Variants in CKMT2 observed in about 807,000 individuals in gnomAD.
CKMT2 encodes creatine kinase, mitochondrial 2.
Under a neutral mutation model 48.9 loss-of-function variants are expected in CKMT2, and 43 were observed. The ratio of observed to expected loss-of-function variants is 0.88; its 90% CI spans 0.69 to 1.13. The LOEUF (loss-of-function observed/expected upper bound fraction) is 1.13, where lower values mean the gene tolerates loss of function less well. Ranked by LOEUF, CKMT2 falls within the 50% of genes most tolerant of loss-of-function variation. The pLI is 0.00. For missense variants in CKMT2, 472 were observed against 555.4 expected, an observed-to-expected ratio of 0.85 and a Z score of 1.51; for synonymous variants, 206 against 213.0, an observed-to-expected ratio of 0.97 and a Z score of 0.29.
chr5:81,237,629 TAC>T (rs1379139504), intron 1 of CKMT2: 4 of 152,222 alleles, frequency 2.6e-5, no homozygotes, highest in Admixed American at 2.6e-4. Flanking sequence ...AGTGATACAA[TAC>T]AGAGTTCCAT....
At chr5:81,261,373 G>A (rs757576537) in intron 8 of CKMT2, among the ~76,000 whole-genome samples, 5 of 152,198 alleles carry the variant, frequency 3.3e-5, no homozygotes, top group Non-Finnish European at 7.3e-5. Context: ...GCAAGAGAAA[G>A]AAAGAAAGGG....
At chr5:81,254,758 C>A in intron 4 of CKMT2, 1 of 596,562 alleles carries the variant, frequency 1.7e-6, no homozygotes, top group South Asian at 2.1e-5. Context: ...CATCCCAAAC[C>A]ACCCAGTGAC....
chr5:81,250,869 T>C (rs147458522), intron 1 of CKMT2: 364 of 281,366 alleles, frequency 1.3e-3, no homozygotes, highest in African/African-American at 7.7e-3. Context: ...TCAGAAAGTT[T>C]AGACATTATG....
chr5:81,263,005 A>G (rs1757274847), intron 8 of CKMT2, among the ~76,000 whole-genome samples: 1 of 152,194 alleles, frequency 6.6e-6, no homozygotes, highest in Non-Finnish European at 1.5e-5. Flanking sequence ...ATAAAAAAGG[A>G]TGAGTTCATG....
chr5:81,240,935 A>G (rs1756413462), intron 1 of CKMT2, among the ~76,000 whole-genome samples: 1 of 152,174 alleles, frequency 6.6e-6, no homozygotes, highest in East Asian at 1.9e-4. Flanking sequence ...GGGCTGAGGG[A>G]AAGGGATGCC....
intron 7 of CKMT2, chr5:81,258,059 T>A (rs929892122): frequency 2.3e-6 from 1 of 427,786 alleles, no homozygotes; most frequent in Admixed American, 3.6e-5. Context: ...CCACCACACC[T>A]GGCTAATTTT....
intron 7 of CKMT2, 118 bp downstream of exon 7, chr5:81,257,974 A>T: frequency 1.0e-6 from 1 of 979,318 alleles, no homozygotes; most frequent in Non-Finnish European, 1.5e-6. Context: ...TCTAGAAATC[A>T]AAGCAACTGC....
At chr5:81,260,908 A>G (rs986988892) in intron 8 of CKMT2, among the ~76,000 whole-genome samples, 2 of 152,214 alleles carry the variant, frequency 1.3e-5, no homozygotes, top group East Asian at 1.9e-4. Context: ...CAGAGACACA[A>G]TAAAAAAAGA....
At chr5:81,248,299 C>T (rs1045396917) in intron 1 of CKMT2, among the ~76,000 whole-genome samples, 2 of 152,244 alleles carry the variant, frequency 1.3e-5, no homozygotes, top group African/African-American at 4.8e-5. Context: ...AAGACCATGT[C>T]TGGCTTATGT....
chr5:81,257,854 GAAGT>G lies in CKMT2; in HGVS notation c.879+2_879+5del, dbSNP rs1266415140. On this transcript the variant is annotated splice_donor_variant and coding_sequence_variant, in exon 7 of 10. Coordinates refer to ENST00000254035, the MANE Select transcript of CKMT2 (RefSeq NM_001099735.2). LOFTEE classifies it high-confidence loss of function. ...TGAGCGATTCTGTCGTGGACTAAAAGAAGTAAGATGTTATCTGAGATTTCTGGAT... is the reference window on the plus strand; with the variant it reads ...TGAGCGATTCTGTCGTGGACTAAAAGAAGATGTTATCTGAGATTTCTGGAT... 3 of 1,609,934 alleles carry G rather than the reference GAAGT, an allele frequency of 1.9e-6. No homozygotes were observed. The highest frequency in any genetic ancestry group is 1.3e-5 in the African/African-American group (1 of 74,690).
intron 1 of CKMT2, among the ~76,000 whole-genome samples, chr5:81,245,830 C>T (rs935204387): frequency 6.6e-6 from 1 of 152,132 alleles, no homozygotes; most frequent in Non-Finnish European, 1.5e-5. Flanking sequence ...AGATCATCCA[C>T]ATCTGCCAGC....
intron 7 of CKMT2, among the ~76,000 whole-genome samples, chr5:81,258,218 GAGCCACCACGCCC>G (rs1561286014): frequency 1.3e-5 from 2 of 150,312 alleles, no homozygotes; most frequent in Non-Finnish European, 2.9e-5. Flanking sequence ...TTTTTTGGAT[GAGCCACCACGCCC>G]AGCCTCAAGG....
intron 9 of CKMT2, 100 bp from the exon 10 acceptor site, chr5:81,266,039 T>A: frequency 9.7e-7 from 1 of 1,035,348 alleles, no homozygotes; most frequent in Non-Finnish European, 1.4e-6. Flanking sequence ...GAAGTCCATC[T>A]AAGTGGCAAG....
At chr5:81,233,682 TA>T (rs1047125378) in intron 1 of CKMT2, among the ~76,000 whole-genome samples, 158 of 152,286 alleles carry the variant, frequency 1.0e-3, no homozygotes, top group African/African-American at 3.7e-3. Context: ...AAAAAAAATC[TA>T]AAGGCTGTAT....
chr5:81,246,418 C>T (rs1756612466), intron 1 of CKMT2, among the ~76,000 whole-genome samples: 1 of 151,990 alleles, frequency 6.6e-6, no homozygotes, highest in South Asian at 2.1e-4. Context: ...TCTGCCCCTG[C>T]CTAGCCTATT....
chr5:81,253,809 AT>A (rs1225058464), intron 3 of CKMT2, among the ~76,000 whole-genome samples: 1 of 152,174 alleles, frequency 6.6e-6, no homozygotes, highest in Non-Finnish European at 1.5e-5. Flanking sequence ...CATAAAGGAT[AT>A]GCCTGAAGTT....
Position 81,255,143 on chromosome 5 carries a change from A to G in CKMT2, c.598A>G (p.Lys200Glu). Residue 200 changes from lysine to glutamate, a missense_variant, in exon 5 of 10, where the codon AAG becomes GAG. Coordinates refer to ENST00000254035, the MANE Select transcript of CKMT2 (RefSeq NM_001099735.2). ...NVAITALEGL[K>E]GDLAGRYYKL... is the part of the protein sequence containing the mutation. ...GGCCATCACTGCCCTGGAGGGCCTC[A>G]AGGGGGACCTGGCTGGCCGCTACTA... is the stretch of plus-strand genomic sequence containing the variant. 6.2e-7 allele frequency: 1 copy of G among 1,614,092 alleles called. No individual in the cohort carries two copies. Among genetic ancestry groups the G allele is most frequent in the South Asian group, 1.1e-5 (1 of 91,086 alleles).
chr5:81,238,654 G>T (rs1293311065), intron 1 of CKMT2: 2 of 152,436 alleles, frequency 1.3e-5, no homozygotes, highest in African/African-American at 4.8e-5. Flanking sequence ...GCTCCAACCT[G>T]TCTCTGCAGT....
chr5:81,254,330 A>C (rs1005995904), intron 3 of CKMT2, 66 bp from the exon 4 acceptor site: 11 of 1,383,012 alleles, frequency 8.0e-6, no homozygotes, highest in Non-Finnish European at 1.0e-5. Flanking sequence ...GGGGCAAGTG[A>C]ATGGAAAGGT....
Sources: allele counts gnomAD v4.1 joint callset (sites outside exome capture counted in the v4.1 genomes callset), GRCh38; gene constraint gnomAD v4.1.1; transcripts MANE v1.5; gene names NCBI Gene and HGNC (gene_info 2026-07-23, HGNC 2026-07-21).